Variants in TAF15 observed in about 807,000 individuals in gnomAD.
TAF15 encodes the protein TATA-binding protein-associated factor 2N.
In TAF15, 37 loss-of-function variants were observed where a neutral mutation model predicts 102.5. That is an observed-to-expected ratio of 0.36 (90% CI 0.28 to 0.47). The LOEUF is 0.47. Among genes scored for constraint, TAF15 ranks in the 20% least tolerant of loss-of-function variants. TAF15 has a pLI of 0.99. For missense variants in TAF15, 652 were observed against 760.7 expected (o/e 0.86, Z 1.68); for synonymous variants, 273 against 259.2 (o/e 1.05, Z -0.51).
At chr17:35,834,241 T>C (rs1295493945) in intron 8 of TAF15, 2 of 380,074 alleles carry the variant, frequency 5.3e-6, no homozygotes, top group African/African-American at 2.1e-5. Flanking sequence ...TTTGTTCTTA[T>C]AAAGGTAGCT....
intron 1 of TAF15, among the ~76,000 whole-genome samples, chr17:35,811,745 A>G (rs1350595113): frequency 6.6e-6 from 1 of 152,274 alleles, no homozygotes; most frequent in Non-Finnish European, 1.5e-5. Context: ...GTCAGAGTCT[A>G]ACATTCAAAT....
In TAF15 at chr17:35,844,483, G is replaced by C; in HGVS notation, c.1184G>C (p.Arg395Pro). The C allele has an allele frequency of 6.2e-7, 1 of 1,613,480 alleles. No homozygotes were observed. Residue 395 changes from arginine (R) to proline (P), a missense_variant, in exon 15 of 16, where the codon CGG (arginine) becomes CCG (proline). Coordinates refer to ENST00000605844, the MANE Select transcript of TAF15 (RefSeq NM_139215.3). The stretch of plus-strand genomic sequence containing the variant: ...TTGCATTTCTACCTTGCAGATTTCC[G>C]GGGGAGAGGCTACGGTGGAGAGAGG... ...EDSRPSGGDFRGRGYGGERGY... is the reference protein window; with the variant it reads ...EDSRPSGGDFPGRGYGGERGY...
chr17:35,820,008 A>C lies in TAF15; in HGVS notation c.48-16A>C, dbSNP rs2087240232. 6.2e-7 allele frequency: 1 copy of C among 1,612,912 alleles called. No individual in the cohort carries two copies. The highest frequency in any genetic ancestry group is 1.3e-5 in the African/African-American group (1 of 75,020). ...TTCTACACATTTCTTTCAAGTATTA[A>C]ATTTTTCTTTTGCAGTTATTCTACC... On this transcript the variant is annotated splice_polypyrimidine_tract_variant and intron_variant, in intron 2 of 15. Coordinates refer to ENST00000605844, the MANE Select transcript of TAF15 (RefSeq NM_139215.3).
chr17:35,842,019 A>C (rs909230536), intron 11 of TAF15, among the ~76,000 whole-genome samples: 1 of 150,362 alleles, frequency 6.7e-6, no homozygotes, highest in Non-Finnish European at 1.5e-5. Context: ...CCCTGACACC[A>C]TCTCCTTCCC....
intron 1 of TAF15, 118 bp downstream of exon 1, chr17:35,809,694 G>A: frequency 6.9e-7 from 1 of 1,440,322 alleles, no homozygotes; most frequent in Non-Finnish European, 9.6e-7. Flanking sequence ...GGAGGCTTGG[G>A]GTGGGGGGGC....
intron 2 of TAF15, 76 bp downstream of exon 2, chr17:35,817,831 C>A: frequency 1.6e-6 from 2 of 1,275,274 alleles, no homozygotes; most frequent in Non-Finnish European, 2.3e-6. Flanking sequence ...TCTCTTGAGA[C>A]TTGATGCTGG....
At position 35,809,503 on chromosome 17, in the gene TAF15, C is replaced by A. The variant is rs2087098014; in HGVS notation, c.-67C>A. ...GCCCTCAGTACAGCTCCGGCCGCCG[C>A]GCCGCCTGGCTTTCGTATTCGTTGT... On this transcript the variant is annotated 5_prime_UTR_variant, in exon 1 of 16. Coordinates refer to ENST00000605844, the MANE Select transcript of TAF15 (RefSeq NM_139215.3). The A allele has an allele frequency of 6.2e-7, 1 of 1,609,136 alleles. No individual in the cohort carries two copies. Among genetic ancestry groups the A allele is most frequent in the African/African-American group, 1.3e-5 (1 of 74,978 alleles).
At position 35,844,799 on chromosome 17, in the gene TAF15, C is replaced by T. The variant is rs539580235; in HGVS notation, c.1500C>T (p.Gly500=). 5.0e-6 allele frequency: 8 copies of T among 1,597,466 alleles called. No homozygotes were observed. Among genetic ancestry groups the T allele is most frequent in the African/African-American group, 2.7e-5 (2 of 72,930 alleles). Reference sequence around the variant, plus strand: ...GAGGCTATGGTGGAGACCGAGGAGGCTATGGAGGAGATCGAGGAGGTTACG... The same window carrying T: ...GAGGCTATGGTGGAGACCGAGGAGGTTATGGAGGAGATCGAGGAGGTTACG... ...RGGGYGGDRG[G]YGGDRGGYGG... The change falls in exon 15 of 16, where the codon GGC becomes GGT. Residue 500 remains glycine (G), a synonymous_variant. Transcript: ENST00000605844.
chr17:35,811,872 T>C (rs182906670), intron 1 of TAF15, among the ~76,000 whole-genome samples: 1 of 152,310 alleles, frequency 6.6e-6, no homozygotes, highest in African/African-American at 2.4e-5. Flanking sequence ...ACGATTAACT[T>C]GAAAATCTAT....
At chr17:35,820,511 C>G in intron 5 of TAF15, 74 bp downstream of exon 5, 1 of 1,380,980 alleles carries the variant, frequency 7.2e-7, no homozygotes, top group South Asian at 1.3e-5. Flanking sequence ...ATTTAACCAA[C>G]AAAATCCTAG....
Position 35,824,410 on chromosome 17 carries a change from AGTTT to A in TAF15, c.605+213_605+216del, listed in dbSNP as rs538774935. ...CTTAGAATTGGCTATGTTAGTAGTT[AGTTT>A]ATGTGGTACATGTTAAACACCAGTA... On this transcript the variant is annotated intron_variant, in intron 7 of 15. Coordinates refer to ENST00000605844, the MANE Select transcript of TAF15 (RefSeq NM_139215.3). 591 of 615,288 alleles carry A rather than the reference AGTTT, an allele frequency of 9.6e-4. 12 individuals carry two copies. The South Asian group carries it at 0.012, about 12-fold the overall frequency. 38.1% of individuals were successfully genotyped at this position (615,288 alleles called of 1,614,324 possible). A position where few individuals can be genotyped will look rare whatever the true frequency, so the allele number is the denominator to read the frequency against.
intron 7 of TAF15, among the ~76,000 whole-genome samples, chr17:35,826,579 A>T (rs975734267): frequency 7.0e-6 from 1 of 142,728 alleles, no homozygotes; most frequent in African/African-American, 2.6e-5. Flanking sequence ...TTTTTTTGAG[A>T]TGGAGTCTCG....
chr17:35,838,323 G>T (rs1379011248), intron 10 of TAF15, 101 bp from the exon 11 acceptor site: 1 of 1,483,676 alleles, frequency 6.7e-7, no homozygotes, highest in African/African-American at 1.4e-5. Context: ...TAGTATGAAT[G>T]TGTGAATTCC....
rs752800231 is a variant in TAF15, at chr17:35,842,457, G to A, written c.1004G>A (p.Arg335Gln). The A allele has an allele frequency of 8.7e-6, 14 of 1,612,332 alleles. No individual in the cohort carries two copies. The highest frequency in any genetic ancestry group is 4.5e-5 in the East Asian group (2 of 44,886). The change falls in exon 12 of 16, where the codon CGA (arginine) becomes CAA (glutamine). Residue 335 changes from arginine (R) to glutamine (Q), a missense_variant and splice_region_variant. Arg to Gln is a conservative substitution (Grantham distance 43, BLOSUM62 1). This residue lies in a region of TAF15 where 368 missense variants were observed against 367.5 expected (regional missense o/e 1.00). Transcript: ENST00000605844. ...GGAGGTGGAAGTGGAGGTGGGCGGCGAGGTAAGATCCTTGCTGCGTACAGT... is the reference window on the plus strand; with the variant it reads ...GGAGGTGGAAGTGGAGGTGGGCGGCAAGGTAAGATCCTTGCTGCGTACAGT... ...MRGGGSGGGR[R>Q]GRGGYRGRGG... is the part of the protein sequence containing the mutation.
intron 2 of TAF15, among the ~76,000 whole-genome samples, chr17:35,819,088 G>A (rs919231568): frequency 3.3e-5 from 5 of 152,116 alleles, no homozygotes; most frequent in African/African-American, 4.8e-5. Context: ...AAGATACTCA[G>A]AATAGCACCT....
At chr17:35,832,288 G>T (rs1029315326) in intron 7 of TAF15, among the ~76,000 whole-genome samples, 2 of 152,168 alleles carry the variant, frequency 1.3e-5, no homozygotes, top group Non-Finnish European at 2.9e-5. Context: ...GGAAGGGCCT[G>T]AGTTTCATAT....
At chr17:35,824,374 A>C in intron 7 of TAF15, 176 bp downstream of exon 7, 13 of 829,140 alleles carry the variant, frequency 1.6e-5, no homozygotes, top group Non-Finnish European at 1.8e-5. Context: ...TTAATATCTC[A>C]CATAAATGAC....
intron 6 of TAF15, chr17:35,823,729 G>C (rs944642284): frequency 2.4e-5 from 5 of 208,068 alleles, no homozygotes; most frequent in Admixed American, 6.1e-5. Context: ...AAAAAAAAAA[G>C]ATTGGGGTCG....
chr17:35,820,140 C>T (rs754464671), intron 3 of TAF15, 24 bp from the exon 4 acceptor site: 1 of 1,613,558 alleles, frequency 6.2e-7, no homozygotes, highest in Non-Finnish European at 8.5e-7. Flanking sequence ...GGTGATGAAA[C>T]TTGAGTATTT....
Sources: gnomAD v4.1 joint callset for allele counts (sites outside exome capture counted in the v4.1 genomes callset) on GRCh38, gnomAD v4.1.1 for gene constraint, gnomAD v4.1.1 regional missense constraint, MANE v1.5 for transcripts, NCBI Gene and HGNC (gene_info 2026-07-23, HGNC 2026-07-21) for gene names.